Variants in CYTH3 observed in about 807,000 individuals in gnomAD.
CYTH3 encodes cytohesin-3.
A neutral mutation model predicts 55.1 loss-of-function variants in CYTH3; 23 were observed. The observed-to-expected ratio is 0.42, with a 90% CI of 0.30 to 0.59. The LOEUF is 0.59. CYTH3 is among the 20% of genes least tolerant of loss of function. CYTH3 has a pLI of 0.20. For missense variants in CYTH3, 413 were observed against 524.8 expected, an observed-to-expected ratio of 0.79 and a Z score of 2.08; for synonymous variants, 249 against 194.9, an observed-to-expected ratio of 1.28 and a Z score of -2.31.
At chr7:6,175,310 T>C (rs1490726141) in intron 5 of CYTH3, among the ~76,000 whole-genome samples, 1 of 152,160 alleles carries the variant, frequency 6.6e-6, no homozygotes, top group Non-Finnish European at 1.5e-5. Context: ...CAGCCTTCAA[T>C]TTCTTGATGT....
intron 1 of CYTH3, among the ~76,000 whole-genome samples, chr7:6,230,232 G>A (rs1779356359): frequency 6.6e-6 from 1 of 152,190 alleles, no homozygotes; most frequent in Non-Finnish European, 1.5e-5. Context: ...GGAAAGTGAT[G>A]CATGTGGCCG....
At position 6,165,740 on chromosome 7, in the gene CYTH3, G is replaced by A. The variant is rs747945155; in HGVS notation, c.894C>T (p.Tyr298=). The A allele has an allele frequency of 4.3e-6, 7 of 1,614,162 alleles. No homozygotes were observed. The highest frequency in any genetic ancestry group is 8.5e-7 in the Non-Finnish European group (1 of 1,179,998). ...LTDNCLYYFE[Y]TTDKEPRGII... ...AGGCCTGGCCCTTACTTACTGTTGT[G>A]TATTCAAAGTAATAGAGGCAGTTAT... Residue 298 remains tyrosine, a synonymous_variant, in exon 10 of 13, where the codon TAC becomes TAT. Coordinates refer to ENST00000350796, the MANE Select transcript of CYTH3 (RefSeq NM_004227.4).
intron 1 of CYTH3, among the ~76,000 whole-genome samples, chr7:6,223,414 A>T (rs576981851): frequency 5.3e-5 from 8 of 152,316 alleles, no homozygotes; most frequent in African/African-American, 1.9e-4. Flanking sequence ...TGGGGAAAAG[A>T]AAGAGAGATC....
intron 4 of CYTH3, among the ~76,000 whole-genome samples, chr7:6,181,456 T>C (rs1360408098): frequency 1.3e-5 from 2 of 152,234 alleles, no homozygotes; most frequent in Non-Finnish European, 2.9e-5. Flanking sequence ...GCTCCCCTCC[T>C]GTCTTTGATC....
At chr7:6,256,167 T>C (rs1780098709) in intron 1 of CYTH3, among the ~76,000 whole-genome samples, 1 of 152,244 alleles carries the variant, frequency 6.6e-6, no homozygotes, top group Admixed American at 6.5e-5. Context: ...TCCCAGTCAC[T>C]GATCCAATCA....
chr7:6,179,214 A>G (rs912838985), intron 4 of CYTH3, among the ~76,000 whole-genome samples: 1 of 152,238 alleles, frequency 6.6e-6, no homozygotes, highest in African/African-American at 2.4e-5. Context: ...TGGAATGAAC[A>G]CTCACAAGAA....
chr7:6,195,447 G>C (rs1783901256), intron 1 of CYTH3, among the ~76,000 whole-genome samples: 1 of 151,928 alleles, frequency 6.6e-6, no homozygotes, highest in Non-Finnish European at 1.5e-5. Context: ...CCACACTGTG[G>C]TTTTCTTTTT....
intron 9 of CYTH3, among the ~76,000 whole-genome samples, chr7:6,166,983 T>A (rs1170718832): frequency 6.6e-6 from 1 of 152,032 alleles, no homozygotes; most frequent in East Asian, 1.9e-4. Flanking sequence ...CTCTGCTGCA[T>A]CTCCCCAGCC....
At position 6,164,127 on chromosome 7, in the gene CYTH3, G is replaced by C. The variant is rs904592624; in HGVS notation, c.*817C>G. The C allele has an allele frequency of 2.6e-4, 40 of 152,360 alleles. No individual in the cohort carries two copies. The highest frequency in any genetic ancestry group is 9.2e-4 in the African/African-American group (38 of 41,454). 9.4% of individuals were successfully genotyped at this position (152,360 alleles called of 1,614,324 possible). A position where few individuals can be genotyped will look rare whatever the true frequency, so the allele number is the denominator to read the frequency against. On this transcript the variant is annotated 3_prime_UTR_variant, in exon 13 of 13. Transcript: ENST00000350796. ...CTGGTTGAAGGGAGGCCTCATGGGA[G>C]TCACCCTGGAGCCCCCAAGTGCCAT...
At chr7:6,177,800 C>T (rs765939468) in intron 5 of CYTH3, 23 bp downstream of exon 5, 1 of 1,581,290 alleles carries the variant, frequency 6.3e-7, no homozygotes, top group South Asian at 1.1e-5. Context: ...CCAGGTAGGG[C>T]TTTGCATCCT....
At chr7:6,166,466 C>T (rs867746681) in intron 9 of CYTH3, among the ~76,000 whole-genome samples, 88 of 152,236 alleles carry the variant, frequency 5.8e-4, no homozygotes, top group African/African-American at 2.0e-3. Context: ...CCCTGGGGTA[C>T]TAGGCCCTCT....
chr7:6,214,500 G>A (rs1172516781), intron 1 of CYTH3, among the ~76,000 whole-genome samples: 1 of 151,876 alleles, frequency 6.6e-6, no homozygotes, highest in Non-Finnish European at 1.5e-5. Flanking sequence ...ACAGCATCTG[G>A]CTCTTCAAAA....
chr7:6,240,454 T>G (rs1779645898), intron 1 of CYTH3, among the ~76,000 whole-genome samples: 1 of 152,088 alleles, frequency 6.6e-6, no homozygotes, highest in Non-Finnish European at 1.5e-5. Flanking sequence ...TAACCCTAAC[T>G]GATACTAAAA....
chr7:6,207,830 A>G (rs112087994), intron 1 of CYTH3, among the ~76,000 whole-genome samples: 4,327 of 151,618 alleles, frequency 0.029, 98 homozygotes, highest in Middle Eastern at 0.069. Context: ...TATGCCTGTA[A>G]TCCCAGCTAC....
At chr7:6,212,528 T>C (rs1477655180) in intron 1 of CYTH3, 4 of 152,226 alleles carry the variant, frequency 2.6e-5, no homozygotes, top group Non-Finnish European at 5.9e-5. Flanking sequence ...ATGTGTCTTG[T>C]GACTGGCTTA....
intron 1 of CYTH3, among the ~76,000 whole-genome samples, chr7:6,203,555 T>A (rs78277539): frequency 0.014 from 2,137 of 152,240 alleles, 47 homozygotes; most frequent in African/African-American, 0.048. Context: ...GGAGACAATA[T>A]AGGAGCACTC....
At chr7:6,182,772 G>C (rs1472950721) in intron 4 of CYTH3, among the ~76,000 whole-genome samples, 1 of 152,092 alleles carries the variant, frequency 6.6e-6, no homozygotes, top group East Asian at 1.9e-4. Flanking sequence ...GACCTTCTAA[G>C]ACGTCAGGAT....
chr7:6,206,797 A>G (rs1784197733), intron 1 of CYTH3, among the ~76,000 whole-genome samples: 1 of 152,200 alleles, frequency 6.6e-6, no homozygotes, highest in Non-Finnish European at 1.5e-5. Flanking sequence ...AACATGAGTC[A>G]GGTGGCCTCA....
chr7:6,189,698 T>A (rs574849584), intron 2 of CYTH3, among the ~76,000 whole-genome samples: 1 of 152,190 alleles, frequency 6.6e-6, no homozygotes, highest in East Asian at 1.9e-4. Context: ...AAAGGGCATC[T>A]GAGAGCCAAA....
Sources: gnomAD v4.1 joint callset for allele counts (sites outside exome capture counted in the v4.1 genomes callset) on GRCh38, gnomAD v4.1.1 for gene constraint, MANE v1.5 for transcripts, NCBI Gene and HGNC (gene_info 2026-07-23, HGNC 2026-07-21) for gene names.